The following MAD1L1 variants were observed in gnomAD, a reference collection of about 807,000 sequenced individuals.
The protein encoded by MAD1L1 is mitotic arrest deficient 1 like 1.
Under a neutral mutation model 96.9 loss-of-function variants are expected in MAD1L1, and 95 were observed. The observed-to-expected ratio is 0.98, with a 90% CI of 0.83 to 1.16. The LOEUF (loss-of-function observed/expected upper bound fraction) is 1.16, where lower values mean the gene tolerates loss of function less well. Ranked by LOEUF, MAD1L1 falls within the 50% of genes most tolerant of loss-of-function variation. The pLI is 0.00. For synonymous variants in MAD1L1, 473 were observed against 396.6 expected (o/e 1.19, Z -2.29); for missense variants, 1,007 against 954.4 (o/e 1.06, Z -0.73).
intron 15 of MAD1L1, among the ~76,000 whole-genome samples, chr7:1,958,931 A>G (rs915910603): frequency 1.3e-5 from 2 of 152,196 alleles, no homozygotes; most frequent in African/African-American, 4.8e-5. Flanking sequence ...AATGTCCTCG[A>G]GGGCACAGCA....
At chr7:2,049,081 A>T (rs1269271922) in intron 12 of MAD1L1, among the ~76,000 whole-genome samples, 2 of 152,250 alleles carry the variant, frequency 1.3e-5, no homozygotes, top group Admixed American at 1.3e-4. Context: ...ATTACAATTT[A>T]AAAATATTTT....
At chr7:1,916,308 C>T (rs915588896) in intron 17 of MAD1L1, among the ~76,000 whole-genome samples, 3 of 152,188 alleles carry the variant, frequency 2.0e-5, no homozygotes, top group African/African-American at 4.8e-5. Flanking sequence ...TGTACCCAAA[C>T]GTCCACAACG....
At chr7:2,226,014 C>A (rs1223314883) in intron 3 of MAD1L1, among the ~76,000 whole-genome samples, 1 of 152,224 alleles carries the variant, frequency 6.6e-6, no homozygotes, top group Non-Finnish European at 1.5e-5. Context: ...GTGCTGCCCA[C>A]ATCCCTTGCC....
At chr7:2,130,259 A>G (rs553256661) in intron 11 of MAD1L1, among the ~76,000 whole-genome samples, 13 of 152,286 alleles carry the variant, frequency 8.5e-5, no homozygotes, top group Non-Finnish European at 1.6e-4. Context: ...CCCCGCTGAA[A>G]TATTTCAGTC....
chr7:2,006,943 C>T (rs1197684772), intron 13 of MAD1L1, among the ~76,000 whole-genome samples: 3 of 152,094 alleles, frequency 2.0e-5, no homozygotes, highest in African/African-American at 7.2e-5. Context: ...GGGATTCCTG[C>T]GAGGGAGGGC....
At chr7:2,014,112 T>C (rs3996325) in intron 13 of MAD1L1, among the ~76,000 whole-genome samples, 42,907 of 152,050 alleles carry the variant, frequency 0.28, 6,178 homozygotes, top group South Asian at 0.41. Context: ...CAGCGGGGAC[T>C]AGAGCCCTGG....
intron 11 of MAD1L1, among the ~76,000 whole-genome samples, chr7:2,075,418 T>C (rs1785329467): frequency 6.6e-6 from 1 of 152,178 alleles, no homozygotes; most frequent in Admixed American, 6.5e-5. Context: ...CTGTTGGGGA[T>C]GTTCTCTCTG....
chr7:1,876,807 C>G (rs1785409329), intron 18 of MAD1L1, among the ~76,000 whole-genome samples: 1 of 149,852 alleles, frequency 6.7e-6, no homozygotes, highest in African/African-American at 2.5e-5. Flanking sequence ...GAGCCCCTGC[C>G]AGGGCTGCCC....
chr7:2,216,417 A>G, intron 7 of MAD1L1, 130 bp from the exon 8 acceptor site: 1 of 894,180 alleles, frequency 1.1e-6, no homozygotes, highest in East Asian at 2.7e-5. Flanking sequence ...ATCCAACCAC[A>G]GGACGTTCTG....
rs10259113 is a variant in MAD1L1 at position 1,949,705 on chromosome 7, G to A, written c.1596+7924C>T. 1.2e-3 allele frequency among the ~76,000 whole-genome samples: 189 copies of A among 152,284 alleles called. 2 individuals carry two copies. Among genetic ancestry groups the A allele is most frequent in the African/African-American group, 4.0e-3 (167 of 41,578 alleles). The stretch of plus-strand genomic sequence containing the variant: ...CTCTCATCCGTTTCTCTGCAGATAC[G>A]CCCAGGAACCAAAGGACATCGGTCC... On this transcript the variant is annotated intron_variant, in intron 16 of 18. Transcript: ENST00000265854.
intron 18 of MAD1L1, among the ~76,000 whole-genome samples, chr7:1,867,150 G>A (rs376812971): frequency 7.9e-5 from 12 of 152,332 alleles, no homozygotes; most frequent in African/African-American, 2.9e-4. Flanking sequence ...AGAAGCTGGT[G>A]AGATGGATGG....
At chr7:2,064,768 T>C (rs1405137547) in intron 12 of MAD1L1, among the ~76,000 whole-genome samples, 1 of 149,356 alleles carries the variant, frequency 6.7e-6, no homozygotes, top group African/African-American at 2.5e-5. Flanking sequence ...CAGCTTCTCC[T>C]AGGAATATGG....
chr7:1,887,721 A>G (rs890193329), intron 18 of MAD1L1, among the ~76,000 whole-genome samples: 106 of 134,478 alleles, frequency 7.9e-4, no homozygotes, highest in Non-Finnish European at 3.4e-4. Context: ...GTGTGTGCAT[A>G]CATGCATGTA....
At chr7:1,999,144 A>G (rs935895912) in intron 14 of MAD1L1, among the ~76,000 whole-genome samples, 1 of 152,200 alleles carries the variant, frequency 6.6e-6, no homozygotes, top group Non-Finnish European at 1.5e-5. Flanking sequence ...ATGGAAACCG[A>G]GTCTCAGACC....
chr7:2,163,882 T>C (rs573166530), intron 10 of MAD1L1, among the ~76,000 whole-genome samples: 11 of 152,092 alleles, frequency 7.2e-5, no homozygotes, highest in South Asian at 2.1e-4. Context: ...GAAACGTGCA[T>C]GTAAATAGTC....
At chr7:1,999,255 C>A (rs1353828167) in intron 14 of MAD1L1, among the ~76,000 whole-genome samples, 1 of 152,126 alleles carries the variant, frequency 6.6e-6, no homozygotes. Context: ...AAACAACAAC[C>A]CCACCCCCCA....
At chr7:1,817,762 G>A (rs1158790067) in intron 18 of MAD1L1, among the ~76,000 whole-genome samples, 2 of 152,098 alleles carry the variant, frequency 1.3e-5, no homozygotes, top group Admixed American at 6.5e-5. Context: ...CCCTCCGCCC[G>A]GCAGCCCTCT....
chr7:2,219,929 G>T (rs1285850621), intron 5 of MAD1L1, among the ~76,000 whole-genome samples: 1 of 152,090 alleles, frequency 6.6e-6, no homozygotes, highest in Non-Finnish European at 1.5e-5. Flanking sequence ...GCCAAGATGG[G>T]CCCGGACTCT....
intron 17 of MAD1L1, among the ~76,000 whole-genome samples, chr7:1,901,118 G>A (rs1280934015): frequency 1.3e-5 from 2 of 152,202 alleles, no homozygotes; most frequent in Non-Finnish European, 2.9e-5. Context: ...TCCACGTAGG[G>A]AAGGGTCCAT....
Sources: gnomAD v4.1 joint callset for allele counts (sites outside exome capture counted in the v4.1 genomes callset) on GRCh38, gnomAD v4.1.1 for gene constraint, MANE v1.5 for transcripts, NCBI Gene and HGNC (gene_info 2026-07-23, HGNC 2026-07-21) for gene names.